The following PRIMA1 variants were observed in gnomAD, a reference collection of about 807,000 sequenced individuals.
The protein encoded by PRIMA1 is proline-rich membrane anchor 1.
In PRIMA1, 7 loss-of-function variants were observed where a neutral mutation model predicts 17.5. The ratio of observed to expected loss-of-function variants is 0.40; its 90% CI spans 0.23 to 0.75. The LOEUF (loss-of-function observed/expected upper bound fraction) is 0.75. Ranked by LOEUF, PRIMA1 falls within the 30% of genes least tolerant of loss-of-function variation. PRIMA1 has a pLI of 0.37. For missense variants in PRIMA1, 200 were observed against 201.8 expected (o/e 0.99, Z 0.05); for synonymous variants, 97 against 77.9 (o/e 1.25, Z -1.29).
chr14:93,721,195 T>C lies in PRIMA1; in HGVS notation c.*249A>G. The C allele has an allele frequency of 2.1e-6, 1 of 485,626 alleles. No individual in the cohort carries two copies. Among genetic ancestry groups the C allele is most frequent in the Middle Eastern group, 5.4e-4 (1 of 1,838 alleles). 30.1% of individuals were successfully genotyped at this position (485,626 alleles called of 1,614,324 possible). A position where few individuals can be genotyped will look rare whatever the true frequency, so the allele number is the denominator to read the frequency against. ...CAGACACCAGACAGGGAGGAGGATGTGGAGGGCCTGGGGTGGGGACACTGC... is the reference window on the plus strand; with the variant it reads ...CAGACACCAGACAGGGAGGAGGATGCGGAGGGCCTGGGGTGGGGACACTGC... On this transcript the variant is annotated 3_prime_UTR_variant, in exon 5 of 5. Transcript: ENST00000393140.
At chr14:93,747,653 TGA>T (rs1333252313) in intron 3 of PRIMA1, among the ~76,000 whole-genome samples, 3 of 145,776 alleles carry the variant, frequency 2.1e-5, no homozygotes, top group Non-Finnish European at 3.0e-5. Flanking sequence ...GTATTGTGTA[TGA>T]GTGTGTGAGA....
chr14:93,786,471 G>A (rs1182309170), intron 2 of PRIMA1, among the ~76,000 whole-genome samples: 2 of 152,174 alleles, frequency 1.3e-5, no homozygotes, highest in Non-Finnish European at 2.9e-5. Flanking sequence ...TCTCGGCAGG[G>A]CCCCATCATT....
At chr14:93,786,073 A>G (rs1885516756) in intron 2 of PRIMA1, among the ~76,000 whole-genome samples, 1 of 152,232 alleles carries the variant, frequency 6.6e-6, no homozygotes, top group African/African-American at 2.4e-5. Context: ...CTGGAGACTG[A>G]CAACCTCACT....
intron 3 of PRIMA1, among the ~76,000 whole-genome samples, chr14:93,743,162 C>T (rs1226603777): frequency 2.0e-5 from 3 of 152,214 alleles, no homozygotes; most frequent in Non-Finnish European, 4.4e-5. Context: ...GAGGCTTTAT[C>T]CACTGCTGGG....
At chr14:93,775,528 C>G (rs770910753) in intron 3 of PRIMA1, among the ~76,000 whole-genome samples, 1 of 152,138 alleles carries the variant, frequency 6.6e-6, no homozygotes, top group African/African-American at 2.4e-5. Flanking sequence ...GGCAGAGTTA[C>G]GCTCTTATTG....
chr14:93,723,786 G>A (rs1420102315), intron 4 of PRIMA1, among the ~76,000 whole-genome samples: 1 of 152,192 alleles, frequency 6.6e-6, no homozygotes, highest in East Asian at 1.9e-4. Flanking sequence ...CTGAGGCTTA[G>A]AGAGGGCTTA....
chr14:93,764,637 C>T (rs1884836318), intron 3 of PRIMA1, among the ~76,000 whole-genome samples: 1 of 152,190 alleles, frequency 6.6e-6, no homozygotes, highest in Non-Finnish European at 1.5e-5. Context: ...TGATTTACTG[C>T]TCCTTAAATA....
intron 3 of PRIMA1, among the ~76,000 whole-genome samples, chr14:93,750,403 T>A (rs1283954870): frequency 1.3e-5 from 2 of 152,138 alleles, no homozygotes; most frequent in Non-Finnish European, 2.9e-5. Flanking sequence ...CAAGACCCTG[T>A]CTCAAAACAA....
rs1275597236 is a variant in PRIMA1 at position 93,726,836 on chromosome 14, C to A, written c.360-5290G>T. 1.3e-5 allele frequency among the ~76,000 whole-genome samples: 2 copies of A among 152,098 alleles called. No individual in the cohort carries two copies. Among genetic ancestry groups the A allele is most frequent in the Non-Finnish European group, 2.9e-5 (2 of 67,994 alleles). On this transcript the variant is annotated intron_variant, in intron 4 of 4. Transcript: ENST00000393140. The surrounding 1 kb of genome is among the most constrained non-coding windows in gnomAD (Gnocchi z 4.2). ...CACACACACAATATACACATACACA[C>A]ATGTCCCTACACACATATGCACACA...
Position 93,726,738 on chromosome 14 carries a change from C to A in PRIMA1, c.360-5192G>T. Among the ~76,000 whole-genome samples, 1 of 151,670 alleles carries A rather than the reference C, an allele frequency of 6.6e-6. No individual in the cohort carries two copies. The highest frequency in any genetic ancestry group is 2.1e-4 in the South Asian group (1 of 4,812). The stretch of plus-strand genomic sequence containing the variant: ...GTACTTACACACACACATATATGTA[C>A]ACACAGGCACATACGCATAAATGTA... On this transcript the variant is annotated intron_variant, in intron 4 of 4. Transcript: ENST00000393140. This position sits in a 1 kb window ranked among gnomAD's most constrained non-coding sequence, Gnocchi z 4.2.
intron 3 of PRIMA1, among the ~76,000 whole-genome samples, chr14:93,749,860 T>C (rs1595205806): frequency 1.3e-5 from 2 of 152,028 alleles, no homozygotes; most frequent in South Asian, 4.2e-4. Context: ...CTGGGCAACA[T>C]AGCAAGACAG....
chr14:93,769,596 C>T (rs989859353), intron 3 of PRIMA1, among the ~76,000 whole-genome samples: 6 of 152,200 alleles, frequency 3.9e-5, no homozygotes, highest in African/African-American at 7.2e-5. Flanking sequence ...GCTAGGGCAG[C>T]GGCATTCATG....
chr14:93,734,123 C>A (rs1333242383), intron 4 of PRIMA1, among the ~76,000 whole-genome samples: 1 of 152,186 alleles, frequency 6.6e-6, no homozygotes, highest in Admixed American at 6.5e-5. Context: ...ATGAAGACCT[C>A]GAGGTCAAAG....
intron 4 of PRIMA1, among the ~76,000 whole-genome samples, chr14:93,724,312 G>A (rs1345492347): frequency 6.6e-6 from 1 of 152,254 alleles, no homozygotes; most frequent in East Asian, 1.9e-4. Flanking sequence ...TATCCCACAC[G>A]TGAATCTGAG....
intron 2 of PRIMA1, among the ~76,000 whole-genome samples, chr14:93,782,456 A>AG (rs111407221): frequency 0.1 from 15,540 of 151,264 alleles, 1,001 homozygotes; most frequent in Admixed American, 0.21. Flanking sequence ...TCATCTCTAC[A>AG]AATTTTTTTT....
At chr14:93,730,794 C>T (rs1244402453) in intron 4 of PRIMA1, among the ~76,000 whole-genome samples, 1 of 152,186 alleles carries the variant, frequency 6.6e-6, no homozygotes. Context: ...TCTATTGAGT[C>T]TATGATCCAG....
chr14:93,734,865 G>A lies in PRIMA1; in HGVS notation c.359+2376C>T, dbSNP rs147951558. Among the ~76,000 whole-genome samples, 356 of 152,304 alleles carry A rather than the reference G, an allele frequency of 2.3e-3. 2 individuals are homozygous for A. The highest frequency in any genetic ancestry group is 0.021 in the South Asian group (102 of 4,826). Reference sequence around the variant, plus strand: ...CCCAGGAGCCAAGAGCTCAGAGAAAGTGGAAGAGGACAGACAGGAGGCCCC... The same window carrying A: ...CCCAGGAGCCAAGAGCTCAGAGAAAATGGAAGAGGACAGACAGGAGGCCCC... On this transcript the variant is annotated intron_variant, in intron 4 of 4. Transcript: ENST00000393140.
At chr14:93,788,630 A>C (rs1885603574), upstream of PRIMA1, 1 of 151,716 alleles carries the variant, frequency 6.6e-6, no homozygotes, top group Admixed American at 6.6e-5. Context: ...GCTGGAGCAA[A>C]AGTTTGCGCG....
chr14:93,744,473 G>A (rs1439903493), intron 3 of PRIMA1, among the ~76,000 whole-genome samples: 1 of 152,238 alleles, frequency 6.6e-6, no homozygotes, highest in Non-Finnish European at 1.5e-5. Context: ...CCTGGGTGCG[G>A]GGCTGCTCAC....
Sources: allele counts gnomAD v4.1 joint callset (sites outside exome capture counted in the v4.1 genomes callset), GRCh38; gene constraint gnomAD v4.1.1; non-coding constraint Gnocchi (gnomAD v3.1); transcripts MANE v1.5; gene names NCBI Gene and HGNC (gene_info 2026-07-23, HGNC 2026-07-21).